NEXMIF: variants seen among roughly 807,000 people sequenced by gnomAD.
The protein encoded by NEXMIF is XLMR protein related to neurite extension.
Under a neutral mutation model 62.1 loss-of-function variants are expected in NEXMIF, and 8 were observed. The ratio of observed to expected loss-of-function variants is 0.13; its 90% CI spans 0.08 to 0.23. The LOEUF (loss-of-function observed/expected upper bound fraction) is 0.23, where lower values mean the gene tolerates loss of function less well. Ranked by LOEUF, NEXMIF falls within the 10% of genes least tolerant of loss-of-function variation. The pLI is 1.00. For synonymous variants in NEXMIF, 404 were observed against 416.6 expected (o/e 0.97, Z 0.37); for missense variants, 976 against 1,113.3 (o/e 0.88, Z 1.75).
chrX:74,775,082 G>GT (rs1185157043), intron 1 of NEXMIF, among the ~76,000 whole-genome samples: 3 of 111,542 alleles, frequency 2.7e-5, no homozygotes, highest in African/African-American at 9.8e-5. Context: ...GACCCACGTT[G>GT]TTTTTTCCCC....
rs1268182812 is a variant in NEXMIF at position 74,741,884 on chromosome X, G to A, written c.2673C>T (p.Asn891=). 8.3e-7 allele frequency: 1 copy of A among 1,211,789 alleles called. No homozygotes were observed. The highest frequency in any genetic ancestry group is 1.1e-6 in the Non-Finnish European group (1 of 895,351). ...ESSNYRNVWP[N]KATSGTQEFM... The stretch of plus-strand genomic sequence containing the variant: ...ATTCCTGGGTGCCAGAAGTAGCCTT[G>A]TTGGGCCACACATTTCTATAGTTGC... Residue 891 remains asparagine, a synonymous_variant, in exon 3 of 4, where the codon AAC becomes AAT. Coordinates refer to ENST00000055682, the MANE Select transcript of NEXMIF (RefSeq NM_001008537.3).
At chrX:74,758,096 C>T (rs1301123144) in intron 1 of NEXMIF, among the ~76,000 whole-genome samples, 2 of 111,714 alleles carry the variant, frequency 1.8e-5, no homozygotes, top group African/African-American at 3.2e-5. Context: ...CTTTTAGGCA[C>T]TTCATATGCC....
At chrX:74,884,970 C>T (rs1361466797) in intron 1 of NEXMIF, among the ~76,000 whole-genome samples, 17 of 111,016 alleles carry the variant, frequency 1.5e-4, no homozygotes, top group Non-Finnish European at 7.6e-5. Context: ...TGCAATCAAA[C>T]TAGAACTCAG....
intron 1 of NEXMIF, among the ~76,000 whole-genome samples, chrX:74,841,246 A>G (rs1299460080): frequency 5.4e-5 from 6 of 111,030 alleles, no homozygotes; most frequent in Non-Finnish European, 1.1e-4. Context: ...GCAATTGTGA[A>G]TGAATTTGTC....
At chrX:74,791,264 T>A (rs2080281353) in intron 1 of NEXMIF, among the ~76,000 whole-genome samples, 1 of 112,094 alleles carries the variant, frequency 8.9e-6, no homozygotes, top group Middle Eastern at 4.2e-3. Context: ...GCTCTGTTTA[T>A]GTGCTGGATT....
At chrX:74,774,072 GC>G (rs1221168563) in intron 1 of NEXMIF, among the ~76,000 whole-genome samples, 1 of 110,514 alleles carries the variant, frequency 9.0e-6, no homozygotes, top group East Asian at 2.8e-4. Flanking sequence ...TCTATGAACA[GC>G]TTTTTGCACA....
rs369569825 is a variant in NEXMIF, at chrX:74,743,793, T to A, written c.764A>T (p.Asn255Ile). The A allele has an allele frequency of 8.3e-7, 1 of 1,209,430 alleles. No homozygotes were observed. The highest frequency in any genetic ancestry group is 1.8e-5 in the African/African-American group (1 of 57,050). ...AGTCTCGAAGTAACCCCAATCCTGA[T>A]TGGAATTTGCAAGCAAAGCTTCTTC... is the stretch of plus-strand genomic sequence containing the variant. Reference protein sequence around the residue: ...NTEEALLANSNQDWGYFETFI... With the variant: ...NTEEALLANSIQDWGYFETFI... The change falls in exon 3 of 4, where the codon AAT becomes ATT. Residue 255 changes from asparagine to isoleucine, a missense_variant. This residue lies in a region of NEXMIF where 45 missense variants were observed against 86.8 expected (regional missense o/e 0.52). Coordinates refer to ENST00000055682, the MANE Select transcript of NEXMIF (RefSeq NM_001008537.3).
intron 1 of NEXMIF, among the ~76,000 whole-genome samples, chrX:74,848,076 C>T (rs2080499063): frequency 9.0e-6 from 1 of 111,282 alleles, no homozygotes; most frequent in Non-Finnish European, 1.9e-5. Flanking sequence ...CTTCTGTATT[C>T]CCATAGACAA....
At chrX:74,805,977 A>AT (rs910099499) in intron 1 of NEXMIF, among the ~76,000 whole-genome samples, 45 of 103,404 alleles carry the variant, frequency 4.4e-4, no homozygotes, top group South Asian at 2.5e-3. Context: ...TTGGCTATTC[A>AT]TTTTTTTTTT....
chrX:74,875,971 GGTT>G (rs914139613), intron 1 of NEXMIF, among the ~76,000 whole-genome samples: 1 of 110,946 alleles, frequency 9.0e-6, no homozygotes, highest in African/African-American at 3.3e-5. Context: ...ATTTTTTGAA[GGTT>G]TTTTTGTGTC....
At chrX:74,873,580 T>G (rs1420228455) in intron 1 of NEXMIF, among the ~76,000 whole-genome samples, 4 of 111,959 alleles carry the variant, frequency 3.6e-5, no homozygotes, top group East Asian at 5.6e-4. Context: ...ACTTCCACAA[T>G]GGTTGAACTA....
rs780170450 is a variant in NEXMIF at position 74,742,217 on chromosome X, C to T, written c.2340G>A (p.Lys780=). The T allele has an allele frequency of 8.3e-7, 1 of 1,211,158 alleles. No individual in the cohort carries two copies. Among genetic ancestry groups the T allele is most frequent in the Non-Finnish European group, 1.1e-6 (1 of 895,019 alleles). ...SSRLSEFHEA[K]AAKSSTFLPT... is the part of the protein sequence containing the mutation. The stretch of plus-strand genomic sequence containing the variant: ...GTAGAAAAGTGGAACTCTTAGCAGC[C>T]TTTGCCTCATGAAATTCAGATAGAC... The change falls in exon 3 of 4, where the codon AAG becomes AAA. Residue 780 remains lysine (K), a synonymous_variant. Transcript: ENST00000055682.
At chrX:74,764,650 G>T (rs1263516630) in intron 1 of NEXMIF, among the ~76,000 whole-genome samples, 1 of 111,483 alleles carries the variant, frequency 9.0e-6, no homozygotes, top group African/African-American at 3.3e-5. Flanking sequence ...TTCAGAGCCT[G>T]TTCATTCTGC....
At chrX:74,836,763 C>A (rs2080458185) in intron 1 of NEXMIF, among the ~76,000 whole-genome samples, 1 of 111,401 alleles carries the variant, frequency 9.0e-6, no homozygotes, top group Admixed American at 9.5e-5. Flanking sequence ...TGGGGGGAGG[C>A]ATGGGGCAAG....
At chrX:74,879,967 C>T (rs763258437) in intron 1 of NEXMIF, among the ~76,000 whole-genome samples, 21 of 111,868 alleles carry the variant, frequency 1.9e-4, no homozygotes, top group Non-Finnish European at 2.4e-4. Context: ...GATACTCAAA[C>T]GCATTCTCTA....
Position 74,740,727 on chromosome X carries a change from T to C in NEXMIF, c.3830A>G (p.Lys1277Arg). The C allele has an allele frequency of 6.6e-6, 8 of 1,212,265 alleles. No individual in the cohort carries two copies. The highest frequency in any genetic ancestry group is 8.9e-6 in the Non-Finnish European group (8 of 895,634). Reference sequence around the variant, plus strand: ...CAAGGCCCAATCTCCAGAAAGTCCCTTTTGACTTGGCATCTTCATAGAGGC... The same window carrying C: ...CAAGGCCCAATCTCCAGAAAGTCCCCTTTGACTTGGCATCTTCATAGAGGC... ...PMASMKMPSQ[K>R]GLSGDWALGK... The change falls in exon 3 of 4, where the codon AAG becomes AGG. Residue 1277 changes from lysine (K) to arginine (R), a missense_variant. Lys to Arg is a conservative substitution (Grantham distance 26, BLOSUM62 2). Transcript: ENST00000055682.
intron 1 of NEXMIF, among the ~76,000 whole-genome samples, chrX:74,843,349 T>C (rs1206082341): frequency 9.0e-6 from 1 of 111,498 alleles, no homozygotes; most frequent in Non-Finnish European, 1.9e-5. Flanking sequence ...CCCTTTATTT[T>C]GAGCCTGTAA....
At chrX:74,864,093 G>A (rs1342206133) in intron 1 of NEXMIF, among the ~76,000 whole-genome samples, 1 of 111,805 alleles carries the variant, frequency 8.9e-6, no homozygotes, top group Non-Finnish European at 1.9e-5. Flanking sequence ...CAATAAACTA[G>A]GTATTGAAAG....
intron 1 of NEXMIF, among the ~76,000 whole-genome samples, chrX:74,918,573 C>T (rs373123155): frequency 6.0e-4 from 67 of 111,867 alleles, no homozygotes; most frequent in African/African-American, 2.0e-3. Context: ...GACATTTTGA[C>T]TCAAACAAAA....
Sources: gnomAD v4.1 joint callset for allele counts (sites outside exome capture counted in the v4.1 genomes callset) on GRCh38, gnomAD v4.1.1 for gene constraint, gnomAD v4.1.1 regional missense constraint, MANE v1.5 for transcripts, NCBI Gene and HGNC (gene_info 2026-07-23, HGNC 2026-07-21) for gene names.